CRYBG3: variants seen among roughly 807,000 people sequenced by gnomAD.
The protein encoded by CRYBG3 is crystallin beta-gamma domain containing 3.
Under a neutral mutation model 244.2 loss-of-function variants are expected in CRYBG3, and 127 were observed. That is an observed-to-expected ratio of 0.52 (90% CI 0.45 to 0.60). The LOEUF (loss-of-function observed/expected upper bound fraction) is 0.60, where lower values mean the gene tolerates loss of function less well. Ranked by LOEUF, CRYBG3 falls within the 20% of genes least tolerant of loss-of-function variation. CRYBG3 has a pLI of 0.00. For synonymous variants in CRYBG3, 1,132 were observed against 1,195.8 expected, an observed-to-expected ratio of 0.95 and a Z score of 1.10; for missense variants, 3,325 against 3,442.5, an observed-to-expected ratio of 0.97 and a Z score of 0.85.
intron 1 of CRYBG3, among the ~76,000 whole-genome samples, chr3:97,840,992 G>C (rs992177193): frequency 6.6e-6 from 1 of 151,812 alleles, no homozygotes; most frequent in Non-Finnish European, 1.5e-5. Flanking sequence ...TTTGGCAAAA[G>C]ATAAAGACTA....
chr3:97,823,237 A>C (rs2038531766), intron 1 of CRYBG3, among the ~76,000 whole-genome samples: 1 of 152,186 alleles, frequency 6.6e-6, no homozygotes, highest in African/African-American at 2.4e-5. Flanking sequence ...TCTTAAACTT[A>C]TGAGAGGCTT....
intron 2 of CRYBG3, among the ~76,000 whole-genome samples, chr3:97,845,017 T>A (rs1188897176): frequency 6.6e-6 from 1 of 152,178 alleles, no homozygotes; most frequent in African/African-American, 2.4e-5. Context: ...TCATGTAACT[T>A]TTTAAAAAAC....
intron 20 of CRYBG3, 70 bp downstream of exon 20, chr3:97,941,376 C>G: frequency 8.9e-7 from 1 of 1,120,412 alleles, no homozygotes; most frequent in South Asian, 2.2e-5. Context: ...AGAATCCTGT[C>G]AAATCAACTG....
chr3:97,868,211 G>C (rs541287515), intron 3 of CRYBG3, among the ~76,000 whole-genome samples: 9 of 150,994 alleles, frequency 6.0e-5, no homozygotes, highest in Non-Finnish European at 1.2e-4. Context: ...GTGAACCCAG[G>C]AGGCAGAGCT....
At chr3:97,847,458 C>CAG (rs1274093248) in intron 2 of CRYBG3, among the ~76,000 whole-genome samples, 2 of 152,116 alleles carry the variant, frequency 1.3e-5, no homozygotes, top group African/African-American at 4.8e-5. Context: ...TGATAATGAA[C>CAG]AGAGGCAAGA....
intron 17 of CRYBG3, among the ~76,000 whole-genome samples, chr3:97,929,381 GA>G (rs1338783025): frequency 6.6e-6 from 1 of 151,790 alleles, no homozygotes; most frequent in Non-Finnish European, 1.5e-5. Flanking sequence ...AAATGTATCA[GA>G]AAAATATGAT....
In CRYBG3 at chr3:97,877,706, T is replaced by A; in HGVS notation, c.6512T>A (p.Val2171Asp). 1 of 1,614,020 alleles carries A rather than the reference T, an allele frequency of 6.2e-7. No homozygotes were observed. The highest frequency in any genetic ancestry group is 1.6e-4 in the Middle Eastern group (1 of 6,062). Reference sequence around the variant, plus strand: ...CTGAGAGCTGGAAGTGGGGAGCGTGTTACCTTCCAGTTGCCAGATCCTTCC... The same window carrying A: ...CTGAGAGCTGGAAGTGGGGAGCGTGATACCTTCCAGTTGCCAGATCCTTCC... ...GDLRAGSGERVTFQLPDPSIT... is the reference protein window; with the variant it reads ...GDLRAGSGERDTFQLPDPSIT... The change falls in exon 4 of 22, where the codon GTT (valine) becomes GAT (aspartate). Residue 2171 changes from valine to aspartate, a missense_variant. Val to Asp is a radical substitution (Grantham distance 152). Around this residue, in one of 4 missense-constraint regions of CRYBG3, gnomAD observed 450 missense variants for 424.1 expected, o/e 1.06. Transcript: ENST00000389622.
chr3:97,868,297 A>G (rs2039260566), intron 3 of CRYBG3, among the ~76,000 whole-genome samples: 1 of 151,882 alleles, frequency 6.6e-6, no homozygotes, highest in African/African-American at 2.4e-5. Context: ...AAAAAAAAAA[A>G]AAATATTATT....
intron 14 of CRYBG3, 141 bp downstream of exon 14, chr3:97,899,404 C>T: frequency 2.5e-6 from 2 of 814,790 alleles, no homozygotes; most frequent in East Asian, 5.3e-5. Context: ...ACTTGAATTT[C>T]TATAGACTCC....
chr3:97,919,565 T>C (rs1192280964), intron 17 of CRYBG3, among the ~76,000 whole-genome samples: 1 of 152,070 alleles, frequency 6.6e-6, no homozygotes, highest in East Asian at 1.9e-4. Flanking sequence ...AATGGCTTGA[T>C]TGCTTAACAG....
intron 10 of CRYBG3, among the ~76,000 whole-genome samples, chr3:97,892,176 T>C (rs112238550): frequency 1.1e-3 from 168 of 152,300 alleles, no homozygotes; most frequent in African/African-American, 3.5e-3. Context: ...TCTGCTCTTA[T>C]CTGCAGCTGA....
chr3:97,921,093 C>A (rs576915920), intron 17 of CRYBG3, among the ~76,000 whole-genome samples: 2 of 143,260 alleles, frequency 1.4e-5, no homozygotes, highest in Non-Finnish European at 3.0e-5. Context: ...TTCCCTCCCC[C>A]CTCCCAATAC....
At chr3:97,870,187 C>A (rs2108210882) in intron 3 of CRYBG3, among the ~76,000 whole-genome samples, 1 of 152,170 alleles carries the variant, frequency 6.6e-6, no homozygotes, top group African/African-American at 2.4e-5. Flanking sequence ...AGGTTTATTA[C>A]ATGGAGATAA....
At chr3:97,892,277 G>T (rs560362102) in intron 10 of CRYBG3, among the ~76,000 whole-genome samples, 5 of 152,090 alleles carry the variant, frequency 3.3e-5, no homozygotes, top group African/African-American at 9.7e-5. Context: ...ACCAACTGAG[G>T]TATCTGTGGT....
At position 97,898,982 on chromosome 3, in the gene CRYBG3, G is replaced by A; in HGVS notation, c.7801G>A (p.Gly2601Ser). ...NQEISDLEEI[G>S]FGSKTRSIHV... ...GGAAATTTCTGATTTGGAAGAAATT[G>A]GCTTTGGCAGTAAAACAAGATCCAT... Residue 2601 changes from glycine (G) to serine (S), a missense_variant, in exon 13 of 22, where the codon GGC (glycine) becomes AGC (serine). By Grantham distance (56) the Gly-to-Ser change is moderately conservative. Transcript: ENST00000389622. 1.2e-6 allele frequency: 2 copies of A among 1,613,118 alleles called. No individual in the cohort carries two copies. Among genetic ancestry groups the A allele is most frequent in the Non-Finnish European group, 1.7e-6 (2 of 1,179,596 alleles).
Position 97,899,025 on chromosome 3 carries a change from T to C in CRYBG3, c.7844T>C (p.Val2615Ala), listed in dbSNP as rs2039672403. ...AGATCCATTCATGTTAAAAGTGGAG[T>C]GTAAGTTGCCTCCTCTAAGAACCTT... ...KTRSIHVKSG[V>A]WVAYQQKFFC... Residue 2615 changes from valine to alanine, a missense_variant and splice_region_variant, in exon 13 of 22, where the codon GTA becomes GCA. Physicochemically the swap from Val to Ala is moderately conservative, Grantham distance 64. Transcript: ENST00000389622. 1 of 1,609,416 alleles carries C rather than the reference T, an allele frequency of 6.2e-7. No individual in the cohort carries two copies. Among genetic ancestry groups the C allele is most frequent in the East Asian group, 2.2e-5 (1 of 44,802 alleles).
At chr3:97,930,453 C>A (rs530351381) in intron 17 of CRYBG3, among the ~76,000 whole-genome samples, 208 of 152,118 alleles carry the variant, frequency 1.4e-3, no homozygotes, top group African/African-American at 4.9e-3. Flanking sequence ...TTGCAGATAG[C>A]AGAAGAGGTG....
chr3:97,902,497 A>T (rs1056465455), intron 15 of CRYBG3, among the ~76,000 whole-genome samples: 13 of 150,892 alleles, frequency 8.6e-5, no homozygotes, highest in African/African-American at 3.2e-4. Flanking sequence ...TTTCTTCTAA[A>T]AAAAAAAAGC....
At chr3:97,930,360 C>T (rs2040084477) in intron 17 of CRYBG3, among the ~76,000 whole-genome samples, 1 of 152,040 alleles carries the variant, frequency 6.6e-6, no homozygotes, top group Admixed American at 6.6e-5. Flanking sequence ...AAAAAATCCA[C>T]CAATATAGTC....
Sources: allele counts gnomAD v4.1 joint callset (sites outside exome capture counted in the v4.1 genomes callset), GRCh38; gene constraint gnomAD v4.1.1; regional missense constraint gnomAD v4.1.1; transcripts MANE v1.5; gene names NCBI Gene and HGNC (gene_info 2026-07-23, HGNC 2026-07-21).